The following KIF16B variants were observed in gnomAD, a reference collection of about 807,000 sequenced individuals.
The protein encoded by KIF16B is kinesin family member 16B.
KIF16B carries 98 observed loss-of-function variants against 156.3 expected under a neutral mutation model. The ratio of observed to expected loss-of-function variants is 0.63; its 90% CI spans 0.53 to 0.74. The LOEUF (loss-of-function observed/expected upper bound fraction) is 0.74, where lower values mean the gene tolerates loss of function less well. Ranked by LOEUF, KIF16B falls within the 30% of genes least tolerant of loss-of-function variation. The probability of loss-of-function intolerance (pLI) is 0.00; values close to 1 mark genes in which losing one functional copy is unlikely to be tolerated. For missense variants in KIF16B, 1,421 were observed against 1,606.5 expected, an observed-to-expected ratio of 0.88 and a Z score of 1.97; for synonymous variants, 564 against 583.7, an observed-to-expected ratio of 0.97 and a Z score of 0.49.
intron 1 of KIF16B, among the ~76,000 whole-genome samples, chr20:16,561,761 G>A (rs1280639944): frequency 6.6e-6 from 1 of 152,166 alleles, no homozygotes; most frequent in East Asian, 1.9e-4. Context: ...TGGTATTATT[G>A]TCAAAAATTG....
chr20:16,277,459 TTA>T lies in KIF16B; in HGVS notation c.3796-4050_3796-4049del, dbSNP rs60624017. Among the ~76,000 whole-genome samples the T allele has an allele frequency of 2.1e-3, 306 of 143,888 alleles. 1 individual carries two copies. The highest frequency in any genetic ancestry group is 3.0e-3 in the Non-Finnish European group (194 of 65,198). 94.4% of individuals were successfully genotyped at this position (143,888 alleles called of 152,430 possible). ...TGAACTCTGCTATTTTATGTACATA[TTA>T]TATATATATATATATATAAAATATT... is the stretch of plus-strand genomic sequence containing the variant. On this transcript the variant is annotated intron_variant, in intron 25 of 25. Coordinates refer to ENST00000354981, the MANE Select transcript of KIF16B (RefSeq NM_024704.5).
intron 7 of KIF16B, 56 bp downstream of exon 7, chr20:16,507,901 TA>T (rs1190329281): frequency 3.0e-5 from 47 of 1,588,356 alleles, no homozygotes; most frequent in Non-Finnish European, 4.0e-5. Flanking sequence ...CAGCTGGTGC[TA>T]ATCAGCAAGT....
intron 2 of KIF16B, among the ~76,000 whole-genome samples, 171 bp from the exon 3 acceptor site, chr20:16,526,376 C>T (rs1023307207): frequency 2.0e-5 from 3 of 152,168 alleles, no homozygotes; most frequent in Non-Finnish European, 4.4e-5. Flanking sequence ...AATCCAAGTT[C>T]TCTGTGATAT....
chr20:16,442,348 G>GTGTGTGTGTGTGTGTA (rs753220723), intron 12 of KIF16B, among the ~76,000 whole-genome samples: 13 of 149,664 alleles, frequency 8.7e-5, no homozygotes, highest in African/African-American at 2.7e-4. Flanking sequence ...GTGTGTGTGT[G>GTGTGTGTGTGTGTGTA]TATATATATA....
At chr20:16,560,872 C>T (rs925990076) in intron 1 of KIF16B, among the ~76,000 whole-genome samples, 10 of 152,052 alleles carry the variant, frequency 6.6e-5, no homozygotes, top group Admixed American at 2.0e-4. Context: ...AGTGTTGTCT[C>T]GAGTAACAAA....
intron 22 of KIF16B, chr20:16,368,014 A>C: frequency 7.1e-7 from 1 of 1,417,864 alleles, no homozygotes; most frequent in Non-Finnish European, 9.2e-7. Context: ...AGTTGACTGA[A>C]GCAGGAGCAA....
At chr20:16,433,043 C>T (rs991837406) in intron 12 of KIF16B, among the ~76,000 whole-genome samples, 5 of 152,164 alleles carry the variant, frequency 3.3e-5, no homozygotes, top group Non-Finnish European at 7.3e-5. Context: ...AACCCCTACT[C>T]CTACCTCTCG....
intron 12 of KIF16B, among the ~76,000 whole-genome samples, chr20:16,437,525 C>T (rs1472407318): frequency 1.3e-5 from 2 of 152,046 alleles, no homozygotes; most frequent in African/African-American, 4.8e-5. Context: ...GAAGTGACAC[C>T]CCTTGAGAGT....
At chr20:16,472,403 A>G (rs2067686771) in intron 12 of KIF16B, among the ~76,000 whole-genome samples, 1 of 152,108 alleles carries the variant, frequency 6.6e-6, no homozygotes, top group Admixed American at 6.5e-5. Context: ...AGGTTTATCA[A>G]GATTGAGTCA....
chr20:16,431,868 T>C (rs770124374), intron 12 of KIF16B, among the ~76,000 whole-genome samples: 1 of 143,940 alleles, frequency 6.9e-6, no homozygotes, highest in Non-Finnish European at 1.6e-5. Context: ...TGTGTATATA[T>C]ATATATACAT....
chr20:16,375,909 G>A (rs771567870), intron 19 of KIF16B, among the ~76,000 whole-genome samples: 1 of 152,156 alleles, frequency 6.6e-6, no homozygotes, highest in Non-Finnish European at 1.5e-5. Flanking sequence ...CAGATACATG[G>A]TCAGAAGACT....
intron 12 of KIF16B, among the ~76,000 whole-genome samples, chr20:16,470,474 T>C (rs1314449908): frequency 1.3e-5 from 2 of 151,900 alleles, no homozygotes; most frequent in Non-Finnish European, 2.9e-5. Flanking sequence ...TAAAGTTCCA[T>C]TTTGTTCTTT....
intron 12 of KIF16B, among the ~76,000 whole-genome samples, chr20:16,441,810 C>T (rs1309977439): frequency 2.0e-5 from 3 of 152,170 alleles, no homozygotes; most frequent in African/African-American, 7.2e-5. Flanking sequence ...CAACCAACAC[C>T]TAACGACCAT....
intron 12 of KIF16B, among the ~76,000 whole-genome samples, chr20:16,487,456 C>T (rs571637702): frequency 1.1e-4 from 16 of 152,000 alleles, no homozygotes; most frequent in Non-Finnish European, 1.6e-4. Flanking sequence ...GAGCTGCTTC[C>T]GAATCCATTA....
At chr20:16,471,719 T>C (rs1486443955) in intron 12 of KIF16B, among the ~76,000 whole-genome samples, 2 of 152,256 alleles carry the variant, frequency 1.3e-5, no homozygotes, top group Non-Finnish European at 2.9e-5. Flanking sequence ...TGAGGGTTCT[T>C]TTGACCCACA....
Position 16,427,260 on chromosome 20 carries a change from GT to G in KIF16B, c.1475-20del. The G allele has an allele frequency of 6.3e-7, 1 of 1,595,740 alleles. No individual in the cohort carries two copies. Among genetic ancestry groups the G allele is most frequent in the Non-Finnish European group, 8.5e-7 (1 of 1,172,608 alleles). ...TGAAGAACTAAAGTGGAAAAACAAA[GT>G]AGAAAGAATTTTTCCCCCTTTTCTA... On this transcript the variant is annotated intron_variant, in intron 14 of 25. Coordinates refer to ENST00000354981, the MANE Select transcript of KIF16B (RefSeq NM_024704.5).
chr20:16,488,186 A>G (rs1255033058), intron 12 of KIF16B, among the ~76,000 whole-genome samples: 1 of 152,216 alleles, frequency 6.6e-6, no homozygotes. Flanking sequence ...AATGAGAAGA[A>G]TAACCAATGC....
intron 25 of KIF16B, among the ~76,000 whole-genome samples, chr20:16,283,895 G>C (rs372043331): frequency 3.3e-5 from 5 of 152,164 alleles, no homozygotes; most frequent in African/African-American, 4.8e-5. Context: ...CTGGGGTCCT[G>C]CCTGAGGTTC....
intron 15 of KIF16B, among the ~76,000 whole-genome samples, chr20:16,409,995 A>T (rs181237179): frequency 3.1e-4 from 33 of 106,922 alleles, no homozygotes; most frequent in African/African-American, 1.2e-3. Context: ...ATATATATGT[A>T]GGTACATATA....
Sources: gnomAD v4.1 joint callset for allele counts (sites outside exome capture counted in the v4.1 genomes callset) on GRCh38, gnomAD v4.1.1 for gene constraint, MANE v1.5 for transcripts, NCBI Gene and HGNC (gene_info 2026-07-23, HGNC 2026-07-21) for gene names.